Variants in TUSC3 observed in about 807,000 individuals in gnomAD.
TUSC3 encodes the protein tumor suppressor candidate 3, also known as dolichyl-diphosphooligosaccharide--protein glycosyltransferase subunit TUSC3.
A neutral mutation model predicts 44.8 loss-of-function variants in TUSC3; 45 were observed. That is an observed-to-expected ratio of 1.00 (90% CI 0.79 to 1.29). The LOEUF (loss-of-function observed/expected upper bound fraction) is 1.29, where lower values mean the gene tolerates loss of function less well. Ranked by LOEUF, TUSC3 falls within the 50% of genes most tolerant of loss-of-function variation. TUSC3 has a pLI of 0.00. For missense variants in TUSC3, 519 were observed against 437.9 expected (o/e 1.19, Z -1.65); for synonymous variants, 212 against 152.9 (o/e 1.39, Z -2.85).
intron 2 of TUSC3, among the ~76,000 whole-genome samples, chr8:15,641,731 C>T (rs761476895): frequency 6.6e-6 from 1 of 152,212 alleles, no homozygotes; most frequent in African/African-American, 2.4e-5. Flanking sequence ...AGCCAGTCCA[C>T]AAGTACAGAT....
chr8:15,617,171 G>C (rs1238793767), intron 1 of TUSC3, among the ~76,000 whole-genome samples: 1 of 34,912 alleles, frequency 2.9e-5, no homozygotes, highest in African/African-American at 1.0e-4. Context: ...ACAGAGTCTT[G>C]CTCTGTCGCC....
At chr8:15,817,142 C>G in the TUSC3 span, among the ~76,000 whole-genome samples, 3 of 152,142 alleles carry the variant, frequency 2.0e-5, no homozygotes, top group Admixed American at 2.0e-4. Flanking sequence ...AATGAAGGCA[C>G]CAATGATGTT....
chr8:15,488,391 A>G (rs1043972110), intron 2 of TUSC3, among the ~76,000 whole-genome samples: 3 of 151,934 alleles, frequency 2.0e-5, no homozygotes, highest in Non-Finnish European at 2.9e-5. Flanking sequence ...AGTCCTGGCT[A>G]CTTAGGAGAC....
chr8:15,435,113 C>T lies in TUSC3; in HGVS notation n.91+17808C>T, dbSNP rs376281152. Among the ~76,000 whole-genome samples, 281 of 149,002 alleles carry T rather than the reference C, an allele frequency of 1.9e-3. 4 individuals are homozygous for T. Among genetic ancestry groups the T allele is most frequent in the South Asian group, 0.015 (68 of 4,580 alleles). On this transcript the variant is annotated intron_variant and non_coding_transcript_variant, in intron 1 of 5. Transcript: ENST00000503191. ...CTAGATCCCTGAGGAATCGCCACACCGACTTCCACAATGGTTGAACTAGTT... is the reference window on the plus strand; with the variant it reads ...CTAGATCCCTGAGGAATCGCCACACTGACTTCCACAATGGTTGAACTAGTT...
chr8:15,777,968 TAAA>T, the TUSC3 span, among the ~76,000 whole-genome samples: 1 of 151,950 alleles, frequency 6.6e-6, no homozygotes, highest in Non-Finnish European at 1.5e-5. Context: ...ATTTTTCAAA[TAAA>T]AAGAGCATTG....
the TUSC3 span, among the ~76,000 whole-genome samples, chr8:15,826,417 G>T: frequency 6.6e-6 from 1 of 152,060 alleles, no homozygotes; most frequent in Non-Finnish European, 1.5e-5. Flanking sequence ...GTTCTTTGCG[G>T]AACACATAGA....
At chr8:15,786,631 T>C in the TUSC3 span, among the ~76,000 whole-genome samples, 2 of 152,020 alleles carry the variant, frequency 1.3e-5, no homozygotes, top group African/African-American at 4.8e-5. Context: ...ACTTGAAATA[T>C]ACAGAAAACT....
At chr8:15,486,385 G>A (rs1163926832) in intron 2 of TUSC3, among the ~76,000 whole-genome samples, 1 of 152,090 alleles carries the variant, frequency 6.6e-6, no homozygotes, top group Admixed American at 6.5e-5. Flanking sequence ...CTGGTACTTG[G>A]TTTTAATATT....
chr8:15,715,268 T>G (rs923005591), intron 6 of TUSC3, among the ~76,000 whole-genome samples: 2 of 152,184 alleles, frequency 1.3e-5, no homozygotes, highest in African/African-American at 2.4e-5. Flanking sequence ...CAGTAAGAGA[T>G]GAACAGCAAT....
chr8:15,514,098 AAG>A (rs1437269766), intron 2 of TUSC3, among the ~76,000 whole-genome samples: 1 of 152,184 alleles, frequency 6.6e-6, no homozygotes, highest in Non-Finnish European at 1.5e-5. Context: ...TGCATTAACA[AAG>A]AGAGGTGCTT....
In TUSC3 at chr8:15,764,716, G is replaced by A. The variant is rs1585317088; in HGVS notation, c.*560G>A. 1 of 154,226 alleles carries A rather than the reference G, an allele frequency of 6.5e-6. No homozygotes were observed. Among genetic ancestry groups the A allele is most frequent in the African/African-American group, 2.4e-5 (1 of 41,400 alleles). 9.6% of individuals were successfully genotyped at this position (154,226 alleles called of 1,614,324 possible). The stretch of plus-strand genomic sequence containing the variant: ...AACTAGATAAAGGTATATAGGACAG[G>A]GAACTGGATGAATGGTACCTACAAT... On this transcript the variant is annotated 3_prime_UTR_variant, in exon 11 of 11. Coordinates refer to ENST00000503731, the MANE Select transcript of TUSC3 (RefSeq NM_006765.4).
intron 1 of TUSC3, among the ~76,000 whole-genome samples, chr8:15,607,209 A>G (rs1044088070): frequency 2.0e-5 from 3 of 152,006 alleles, no homozygotes; most frequent in Non-Finnish European, 4.4e-5. Flanking sequence ...CTATTTCTGT[A>G]TTTTCAGTAC....
chr8:15,732,354 T>A (rs1275936420), intron 7 of TUSC3, among the ~76,000 whole-genome samples: 1 of 152,132 alleles, frequency 6.6e-6, no homozygotes, highest in Non-Finnish European at 1.5e-5. Flanking sequence ...TCTGATGGTA[T>A]TATAAAGGGG....
upstream of TUSC3, among the ~76,000 whole-genome samples, chr8:15,537,043 C>A (rs1348146280): frequency 6.6e-6 from 1 of 152,170 alleles, no homozygotes; most frequent in Non-Finnish European, 1.5e-5. Flanking sequence ...TCCCCTTTCC[C>A]CTTTGTTTTT....
At chr8:15,710,303 G>C (rs1340098308) in intron 6 of TUSC3, among the ~76,000 whole-genome samples, 1 of 151,718 alleles carries the variant, frequency 6.6e-6, no homozygotes, top group African/African-American at 2.4e-5. Context: ...ATAATATATA[G>C]TTATTTAAAC....
intron 10 of TUSC3, 70 bp from the exon 11 acceptor site, chr8:15,764,133 G>T (rs1050523448): frequency 9.5e-6 from 13 of 1,371,938 alleles, no homozygotes; most frequent in Non-Finnish European, 1.2e-5. Context: ...AATTTAGAAT[G>T]GAATAACAAA....
At chr8:15,631,648 A>G (rs1004948499) in intron 2 of TUSC3, among the ~76,000 whole-genome samples, 4 of 150,864 alleles carry the variant, frequency 2.7e-5, no homozygotes, top group Admixed American at 1.3e-4. Flanking sequence ...TCAGTAATAC[A>G]TCTCTTGAGT....
intron 1 of TUSC3, among the ~76,000 whole-genome samples, chr8:15,605,982 A>G (rs1011307734): frequency 1.3e-5 from 2 of 151,968 alleles, no homozygotes; most frequent in African/African-American, 4.8e-5. Flanking sequence ...AGTGAGTTGC[A>G]TATTGCAGTA....
rs920242273 is a variant in TUSC3, at chr8:15,695,325, G to T, written c.798+21489G>T. ...TGAATAAGTCTTATGAGATCTGATG[G>T]TTTTATAAACAGGAGTTCCCCTGCA... On this transcript the variant is annotated intron_variant, in intron 6 of 10. Transcript: ENST00000503731. Among the ~76,000 whole-genome samples the T allele has an allele frequency of 3.3e-5, 5 of 152,256 alleles. No homozygotes were observed. The East Asian group carries it at 5.8e-4, about 18-fold the overall frequency.
Sources: gnomAD v4.1 joint callset for allele counts (sites outside exome capture counted in the v4.1 genomes callset) on GRCh38, gnomAD v4.1.1 for gene constraint, MANE v1.5 for transcripts, NCBI Gene and HGNC (gene_info 2026-07-23, HGNC 2026-07-21) for gene names.